MARCHF8: variants seen among roughly 807,000 people sequenced by gnomAD.
MARCHF8 encodes the protein membrane associated ring-CH-type finger 8, also known as E3 ubiquitin-protein ligase MARCHF8.
Under a neutral mutation model 51.6 loss-of-function variants are expected in MARCHF8, and 40 were observed. The observed-to-expected ratio is 0.77, with a 90% CI of 0.60 to 1.01. The LOEUF (loss-of-function observed/expected upper bound fraction) is 1.01. MARCHF8 is among the 50% of genes least tolerant of loss of function. MARCHF8 has a pLI of 0.00. For missense variants in MARCHF8, 685 were observed against 708.6 expected (o/e 0.97, Z 0.38); for synonymous variants, 263 against 280.3 (o/e 0.94, Z 0.62).
chr10:45,543,849 C>T (rs559694401), intron 1 of MARCHF8, among the ~76,000 whole-genome samples: 1 of 148,212 alleles, frequency 6.7e-6, no homozygotes, highest in Non-Finnish European at 1.5e-5. Context: ...AGAACTCCTA[C>T]GTTAAGACAA....
intron 2 of MARCHF8, among the ~76,000 whole-genome samples, chr10:45,523,575 T>C (rs2043744532): frequency 6.6e-6 from 1 of 152,114 alleles, no homozygotes; most frequent in Non-Finnish European, 1.5e-5. Context: ...TTTGAGTGGT[T>C]TTCTTATTTT....
At chr10:45,502,715 T>C (rs544578003) in intron 2 of MARCHF8, among the ~76,000 whole-genome samples, 3 of 152,096 alleles carry the variant, frequency 2.0e-5, no homozygotes, top group Non-Finnish European at 4.4e-5. Flanking sequence ...ATTTCAGGAA[T>C]GAAGGGAAAT....
chr10:45,462,840 G>A (rs1030657196), intron 5 of MARCHF8, among the ~76,000 whole-genome samples: 2 of 151,960 alleles, frequency 1.3e-5, no homozygotes, highest in Non-Finnish European at 2.9e-5. Flanking sequence ...TGGCCAAGCT[G>A]GTCTCAAACT....
intron 1 of MARCHF8, among the ~76,000 whole-genome samples, chr10:45,574,605 C>A (rs2044468533): frequency 6.6e-6 from 1 of 152,196 alleles, no homozygotes; most frequent in Non-Finnish European, 1.5e-5. Flanking sequence ...CTCAGTCAAG[C>A]CAGTGTTCTT....
chr10:45,489,487 CACA>C lies in MARCHF8; in HGVS notation c.103-73_103-71del, dbSNP rs1039132560. ...AATATGCAAAGAACAAGTAATTGAT[CACA>C]ACAACCCTACTGACAAATCATTCCC... is the stretch of plus-strand genomic sequence containing the variant. On this transcript the variant is annotated intron_variant, in intron 2 of 7. Transcript: ENST00000453424. 2.6e-5 allele frequency: 34 copies of C among 1,327,358 alleles called. No homozygotes were observed. The Admixed American group carries it at 5.7e-4, about 22-fold the overall frequency. 82.2% of individuals were successfully genotyped at this position (1,327,358 alleles called of 1,614,324 possible).
At chr10:45,470,760 C>T (rs1488708557) in intron 3 of MARCHF8, among the ~76,000 whole-genome samples, 1 of 152,188 alleles carries the variant, frequency 6.6e-6, no homozygotes, top group Non-Finnish European at 1.5e-5. Context: ...ACTCGGCAGG[C>T]CTGACTTCAT....
At chr10:45,459,066 T>C in intron 7 of MARCHF8, 54 bp downstream of exon 7, 1 of 1,604,244 alleles carries the variant, frequency 6.2e-7, no homozygotes, top group Non-Finnish European at 8.5e-7. Flanking sequence ...ACCCCAGGAC[T>C]CCTGTGAGCT....
At position 45,454,952 on chromosome 10, in the gene MARCHF8, T is replaced by C. The variant is rs1842559031; in HGVS notation, c.*3287A>G. On this transcript the variant is annotated 3_prime_UTR_variant, in exon 8 of 8. Transcript: ENST00000453424. ...CCTTGGGCTAGAGACAGAAGCTGCA[T>C]GTTTCAAACCAGATTCAAAAGGGAA... The C allele has an allele frequency of 1.3e-5, 2 of 152,276 alleles. No homozygotes were observed. Among genetic ancestry groups the C allele is most frequent in the Admixed American group, 6.5e-5 (1 of 15,288 alleles). 9.4% of individuals were successfully genotyped at this position (152,276 alleles called of 1,614,324 possible).
At chr10:45,488,604 T>G (rs2043027223) in intron 3 of MARCHF8, among the ~76,000 whole-genome samples, 1 of 152,210 alleles carries the variant, frequency 6.6e-6, no homozygotes, top group Non-Finnish European at 1.5e-5. Flanking sequence ...CGACTGCTCC[T>G]GCCAACAGAA....
intron 2 of MARCHF8, among the ~76,000 whole-genome samples, chr10:45,491,047 A>G (rs12763205): frequency 0.062 from 9,371 of 152,172 alleles, 330 homozygotes; most frequent in Non-Finnish European, 0.067. Context: ...AGGACTACAG[A>G]CATGTGCCAC....
At chr10:45,461,544 A>C in intron 5 of MARCHF8, 133 bp from the exon 6 acceptor site, 1 of 622,668 alleles carries the variant, frequency 1.6e-6, no homozygotes, top group Non-Finnish European at 2.4e-6. Flanking sequence ...GCACAAAAAC[A>C]TACAAACACA....
At chr10:45,562,851 T>C (rs745705053) in intron 1 of MARCHF8, among the ~76,000 whole-genome samples, 4 of 152,056 alleles carry the variant, frequency 2.6e-5, no homozygotes, top group Non-Finnish European at 5.9e-5. Flanking sequence ...AAAATCAGTG[T>C]TTAAGGTAAG....
chr10:45,484,596 T>C (rs1480500330), intron 3 of MARCHF8, among the ~76,000 whole-genome samples: 1 of 152,156 alleles, frequency 6.6e-6, no homozygotes, highest in African/African-American at 2.4e-5. Flanking sequence ...CAAACTGTGA[T>C]AGGTGCTATG....
upstream of MARCHF8, among the ~76,000 whole-genome samples, chr10:45,536,591 TAA>T (rs35718772): frequency 1.4e-5 from 2 of 142,372 alleles, no homozygotes; most frequent in Non-Finnish European, 1.5e-5. Flanking sequence ...TTATAAATGT[TAA>T]AAAAAAAAAA....
At chr10:45,496,015 G>A (rs1414404057) in intron 2 of MARCHF8, among the ~76,000 whole-genome samples, 2 of 152,020 alleles carry the variant, frequency 1.3e-5, no homozygotes, top group Non-Finnish European at 2.9e-5. Flanking sequence ...GCCAGAGACA[G>A]TGGAAGGACA....
intron 1 of MARCHF8, among the ~76,000 whole-genome samples, chr10:45,580,834 A>G (rs2044547334): frequency 6.6e-6 from 1 of 152,138 alleles, no homozygotes; most frequent in Non-Finnish European, 1.5e-5. Context: ...GTCAAAGATC[A>G]TTTGCTTTAG....
intron 2 of MARCHF8, among the ~76,000 whole-genome samples, chr10:45,492,645 T>C (rs1046381130): frequency 6.6e-6 from 1 of 152,232 alleles, no homozygotes; most frequent in African/African-American, 2.4e-5. Context: ...AAATATATAG[T>C]GCAGGACAAC....
chr10:45,469,029 G>A (rs892676528), intron 3 of MARCHF8, among the ~76,000 whole-genome samples: 2 of 151,984 alleles, frequency 1.3e-5, no homozygotes, highest in African/African-American at 2.4e-5. Flanking sequence ...GACAGCAAAC[G>A]GCTGGAATCA....
At chr10:45,525,845 T>C (rs1355732621) in intron 2 of MARCHF8, among the ~76,000 whole-genome samples, 2 of 152,188 alleles carry the variant, frequency 1.3e-5, no homozygotes, top group Non-Finnish European at 2.9e-5. Context: ...ACCTGATCAG[T>C]ATTCTTCAAA....
Sources: allele counts gnomAD v4.1 joint callset (sites outside exome capture counted in the v4.1 genomes callset), GRCh38; gene constraint gnomAD v4.1.1; transcripts MANE v1.5; gene names NCBI Gene and HGNC (gene_info 2026-07-23, HGNC 2026-07-21).